The following THSD7B variants were observed in gnomAD, a reference collection of about 807,000 sequenced individuals.
THSD7B encodes the protein thrombospondin type-1 domain-containing protein 7B.
Under a neutral mutation model 213.6 loss-of-function variants are expected in THSD7B, and 138 were observed. The ratio of observed to expected loss-of-function variants is 0.65; its 90% confidence interval spans 0.56 to 0.74. THSD7B has a LOEUF of 0.74. Ranked by LOEUF, THSD7B falls within the 30% of genes least tolerant of loss-of-function variation. THSD7B has a pLI of 0.00. For missense variants in THSD7B, 1,931 were observed against 1,991.5 expected (o/e 0.97, Z 0.58); for synonymous variants, 742 against 687.0 (o/e 1.08, Z -1.25).
At chr2:137,290,159 T>C (rs1683292892) in intron 12 of THSD7B, among the ~76,000 whole-genome samples, 1 of 149,064 alleles carries the variant, frequency 6.7e-6, no homozygotes, top group Admixed American at 6.7e-5. Context: ...TTGTCCAGGC[T>C]GTAGAGCCTG....
intron 16 of THSD7B, among the ~76,000 whole-genome samples, chr2:137,566,396 A>G (rs1444236794): frequency 6.6e-6 from 1 of 152,164 alleles, no homozygotes; most frequent in Non-Finnish European, 1.5e-5. Context: ...GAAATGCTCA[A>G]ATCTGCCTCC....
chr2:136,929,179 G>T (rs911763827), intron 2 of THSD7B, among the ~76,000 whole-genome samples: 2 of 152,148 alleles, frequency 1.3e-5, no homozygotes, highest in Non-Finnish European at 2.9e-5. Flanking sequence ...GGGATTGCCC[G>T]TTTGCTCTGT....
At chr2:136,908,266 G>A (rs1341672705) in intron 2 of THSD7B, among the ~76,000 whole-genome samples, 3 of 152,070 alleles carry the variant, frequency 2.0e-5, no homozygotes, top group Non-Finnish European at 4.4e-5. Flanking sequence ...GGTAGAAATA[G>A]CAGCAATAAT....
chr2:137,553,144 C>T (rs1680883181), intron 15 of THSD7B, among the ~76,000 whole-genome samples: 1 of 152,082 alleles, frequency 6.6e-6, no homozygotes, highest in African/African-American at 2.4e-5. Context: ...CCCAGATGGG[C>T]CTTTGAACTT....
At chr2:137,526,549 G>A (rs13427885) in intron 15 of THSD7B, among the ~76,000 whole-genome samples, 29,653 of 151,818 alleles carry the variant, frequency 0.2, 3,066 homozygotes, top group South Asian at 0.28. Context: ...AGCCTCCTGA[G>A]TAGCTGGGGC....
intron 5 of THSD7B, among the ~76,000 whole-genome samples, chr2:137,155,368 C>G (rs1464157084): frequency 6.6e-6 from 1 of 152,134 alleles, no homozygotes; most frequent in Non-Finnish European, 1.5e-5. Flanking sequence ...ATAGCACAGA[C>G]CTGCTCCTAG....
Position 136,981,408 on chromosome 2 carries a change from T to C in THSD7B, c.140-75012T>C, listed in dbSNP as rs1420748381. The stretch of plus-strand genomic sequence containing the variant: ...GCTTATTAGTTGTGAGGGTTCACTA[T>C]CTACCTTAGGTATTTGGTAATTTAA... On this transcript the variant is annotated intron_variant, in intron 2 of 27. Transcript: ENST00000409968. 2.6e-5 allele frequency among the ~76,000 whole-genome samples: 4 copies of C among 152,358 alleles called. No individual in the cohort carries two copies. In the East Asian group the frequency reaches 7.7e-4, roughly 29 times the overall value.
At chr2:137,280,487 TGGTTCATGGTTAAG>T (rs1212832643) in intron 12 of THSD7B, among the ~76,000 whole-genome samples, 2 of 152,172 alleles carry the variant, frequency 1.3e-5, no homozygotes, top group Non-Finnish European at 2.9e-5. Context: ...CCTGTTTAAT[TGGTTCATGGTTAAG>T]ATTTCATTCG....
intron 15 of THSD7B, among the ~76,000 whole-genome samples, chr2:137,520,284 A>G (rs1429094334): frequency 1.3e-5 from 2 of 152,146 alleles, no homozygotes; most frequent in East Asian, 3.8e-4. Flanking sequence ...GTTCTGTTTC[A>G]TGAAAATGGA....
chr2:137,198,459 C>A (rs10193861), intron 7 of THSD7B, among the ~76,000 whole-genome samples: 5 of 152,130 alleles, frequency 3.3e-5, no homozygotes, highest in African/African-American at 9.7e-5. Flanking sequence ...TCACATTTCC[C>A]CTATAGTTCC....
At chr2:137,662,065 T>C (rs1022452286) in intron 25 of THSD7B, among the ~76,000 whole-genome samples, 13 of 138,626 alleles carry the variant, frequency 9.4e-5, no homozygotes, top group African/African-American at 3.6e-4. Flanking sequence ...CTTTTTTCTT[T>C]TTTTTTTTTT....
chr2:136,957,061 G>A (rs535734512), intron 2 of THSD7B, among the ~76,000 whole-genome samples: 2 of 152,212 alleles, frequency 1.3e-5, no homozygotes, highest in East Asian at 3.9e-4. Flanking sequence ...ACTGGTGACA[G>A]TGGCTCAAAT....
At chr2:137,328,194 C>A (rs1431654713) in intron 12 of THSD7B, among the ~76,000 whole-genome samples, 1 of 152,110 alleles carries the variant, frequency 6.6e-6, no homozygotes, top group East Asian at 1.9e-4. Context: ...AAAAATGCAA[C>A]TGAAAATATG....
rs147984313 is a variant in THSD7B at position 137,236,217 on chromosome 2, C to T, written c.2150+3084C>T. Among the ~76,000 whole-genome samples, 200 of 152,148 alleles carry T rather than the reference C, an allele frequency of 1.3e-3. 1 individual carries two copies. Among genetic ancestry groups the T allele is most frequent in the African/African-American group, 4.6e-3 (190 of 41,528 alleles). On this transcript the variant is annotated intron_variant, in intron 9 of 27. Transcript: ENST00000409968. ...GAAAATATCCTAGAGAAAGAGTGGC[C>T]TTCAGAAAACAGAGAAGGACGCATG...
Position 137,136,587 on chromosome 2 carries a change from G to A in THSD7B, c.1369+21294G>A, listed in dbSNP as rs188550404. ...CACAGTCAGCTATGAAAGGCGTAAA[G>A]TTAAGCAGATGTGTATGTTTTCTAG... is the stretch of plus-strand genomic sequence containing the variant. On this transcript the variant is annotated intron_variant, in intron 5 of 27. Transcript: ENST00000409968. 7.4e-4 allele frequency among the ~76,000 whole-genome samples: 113 copies of A among 152,280 alleles called. 1 individual carries two copies. Among genetic ancestry groups the A allele is most frequent in the African/African-American group, 2.7e-3 (113 of 41,570 alleles).
At chr2:137,015,869 A>G (rs532905994) in intron 2 of THSD7B, among the ~76,000 whole-genome samples, 1 of 152,294 alleles carries the variant, frequency 6.6e-6, no homozygotes, top group Admixed American at 6.5e-5. Flanking sequence ...CCGGTGGCAC[A>G]CAGAGCTCAG....
At chr2:137,271,071 A>G (rs1375963132) in intron 10 of THSD7B, among the ~76,000 whole-genome samples, 1 of 151,942 alleles carries the variant, frequency 6.6e-6, no homozygotes, top group Admixed American at 6.6e-5. Context: ...ATTTTAATAA[A>G]TTCTTATTTC....
At chr2:137,528,929 C>T (rs1256958115) in intron 15 of THSD7B, among the ~76,000 whole-genome samples, 1 of 152,104 alleles carries the variant, frequency 6.6e-6, no homozygotes, top group African/African-American at 2.4e-5. Context: ...CTATCAACTG[C>T]ATTCTAGCCA....
chr2:137,447,251 G>A (rs1573630791), intron 14 of THSD7B, among the ~76,000 whole-genome samples: 1 of 152,116 alleles, frequency 6.6e-6, no homozygotes, highest in East Asian at 1.9e-4. Context: ...AAATCCTTCA[G>A]TATGCAAGTG....
Sources: allele counts gnomAD v4.1 joint callset (sites outside exome capture counted in the v4.1 genomes callset), GRCh38; gene constraint gnomAD v4.1.1; transcripts MANE v1.5; gene names NCBI Gene and HGNC (gene_info 2026-07-23, HGNC 2026-07-21).